The following CADM2 variants were observed in gnomAD, a reference collection of about 807,000 sequenced individuals.
The protein encoded by CADM2 is immunoglobulin superfamily member 4D.
In CADM2, 12 loss-of-function variants were observed where a neutral mutation model predicts 49.8. The ratio of observed to expected loss-of-function variants is 0.24; its 90% CI spans 0.15 to 0.39. The LOEUF is 0.39. Ranked by LOEUF, CADM2 falls within the 10% of genes least tolerant of loss-of-function variation. The probability of loss-of-function intolerance (pLI) is 1.00; values close to 1 mark genes in which losing one functional copy is unlikely to be tolerated. For synonymous variants in CADM2, 214 were observed against 175.4 expected, an observed-to-expected ratio of 1.22 and a Z score of -1.74; for missense variants, 378 against 492.3, an observed-to-expected ratio of 0.77 and a Z score of 2.20.
intron 1 of CADM2, among the ~76,000 whole-genome samples, chr3:85,437,984 CA>C (rs2037011263): frequency 6.6e-6 from 1 of 151,900 alleles, no homozygotes; most frequent in Non-Finnish European, 1.5e-5. Context: ...AAAGTATTAA[CA>C]ACTCTCACAA....
At position 86,069,348 on chromosome 3, in the gene CADM2, C is replaced by G. The variant is rs550824528; in HGVS notation, c.*2565C>G. 1 of 151,948 alleles carries G rather than the reference C, an allele frequency of 6.6e-6. No individual in the cohort carries two copies. Among genetic ancestry groups the G allele is most frequent in the South Asian group, 2.1e-4 (1 of 4,826 alleles). The allele number at this position is 151,948 out of a possible 1,614,324, so 9.4% of individuals were successfully genotyped here. ...TAGCTAAAACAACTAGATTATTATA[C>G]TAGTTATAAATGCTGGTATATTATA... On this transcript the variant is annotated 3_prime_UTR_variant, in exon 10 of 10. Coordinates refer to ENST00000383699, the MANE Select transcript of CADM2 (RefSeq NM_001167675.2).
intron 2 of CADM2, among the ~76,000 whole-genome samples, chr3:85,729,006 A>T (rs188181778): frequency 4.6e-5 from 7 of 152,276 alleles, no homozygotes; most frequent in African/African-American, 1.7e-4. Context: ...AATTTTATCA[A>T]ATAATGTAGC....
At chr3:85,708,803 GT>G (rs2067026833) in intron 1 of CADM2, among the ~76,000 whole-genome samples, 1 of 152,070 alleles carries the variant, frequency 6.6e-6, no homozygotes, top group Non-Finnish European at 1.5e-5. Flanking sequence ...CTTGATGTTT[GT>G]GGGGTAAGAG....
intron 1 of CADM2, among the ~76,000 whole-genome samples, chr3:85,013,233 C>T (rs1212576262): frequency 6.6e-6 from 1 of 151,078 alleles, no homozygotes; most frequent in Non-Finnish European, 1.5e-5. Flanking sequence ...CAAGAAAACA[C>T]AAGAAAGAGA....
intron 1 of CADM2, among the ~76,000 whole-genome samples, chr3:85,341,321 A>T (rs981778647): frequency 6.6e-6 from 1 of 151,948 alleles, no homozygotes; most frequent in African/African-American, 2.4e-5. Flanking sequence ...TGATATTGTT[A>T]AACTTGATAA....
intron 1 of CADM2, among the ~76,000 whole-genome samples, chr3:85,720,171 C>T (rs2067447220): frequency 6.6e-6 from 1 of 152,102 alleles, no homozygotes; most frequent in Admixed American, 6.5e-5. Flanking sequence ...TGTCATTTCT[C>T]ACATTCATTA....
chr3:85,394,944 A>T (rs2107411827), intron 1 of CADM2, among the ~76,000 whole-genome samples: 1 of 152,284 alleles, frequency 6.6e-6, no homozygotes, highest in South Asian at 2.1e-4. Flanking sequence ...TCTTCACAAA[A>T]CTTTTCCCAT....
intron 2 of CADM2, among the ~76,000 whole-genome samples, chr3:85,747,361 C>T (rs1400871524): frequency 1.3e-5 from 2 of 152,042 alleles, no homozygotes; most frequent in African/African-American, 4.8e-5. Context: ...AAACACAGAT[C>T]TTCATATTAT....
intron 1 of CADM2, among the ~76,000 whole-genome samples, chr3:85,539,036 G>T (rs905158781): frequency 6.6e-6 from 1 of 151,862 alleles, no homozygotes; most frequent in Admixed American, 6.6e-5. Context: ...CCCTTATACA[G>T]GGAAGCCTGA....
chr3:85,238,101 G>A (rs542550421), intron 1 of CADM2, among the ~76,000 whole-genome samples: 23 of 151,590 alleles, frequency 1.5e-4, no homozygotes, highest in Non-Finnish European at 2.7e-4. Context: ...CATCTGGCTT[G>A]GTACATCATG....
intron 1 of CADM2, among the ~76,000 whole-genome samples, chr3:85,411,496 C>T (rs1430889254): frequency 6.6e-6 from 1 of 152,132 alleles, no homozygotes; most frequent in East Asian, 1.9e-4. Context: ...TGGGATGATT[C>T]TTTACGGAGA....
intron 1 of CADM2, among the ~76,000 whole-genome samples, chr3:85,059,676 G>T (rs1352159297): frequency 2.0e-5 from 3 of 152,084 alleles, no homozygotes; most frequent in African/African-American, 7.2e-5. Context: ...AGTCGCACAA[G>T]ATCTGATGGT....
intron 8 of CADM2, among the ~76,000 whole-genome samples, chr3:86,003,086 T>G (rs1730377723): frequency 6.6e-6 from 1 of 152,206 alleles, no homozygotes; most frequent in Non-Finnish European, 1.5e-5. Flanking sequence ...ACAGAGATAG[T>G]ATCCTCCTCC....
At chr3:85,334,141 C>T (rs1275469976) in intron 1 of CADM2, among the ~76,000 whole-genome samples, 1 of 151,442 alleles carries the variant, frequency 6.6e-6, no homozygotes, top group Non-Finnish European at 1.5e-5. Context: ...GCTACTATAG[C>T]AGAAAACCTT....
At chr3:85,215,936 T>C (rs969916604) in intron 1 of CADM2, among the ~76,000 whole-genome samples, 2 of 152,112 alleles carry the variant, frequency 1.3e-5, no homozygotes, top group African/African-American at 4.8e-5. Context: ...ATGCAGACGC[T>C]GCTAGAGAAT....
At chr3:85,792,028 AGT>A (rs763865436) in intron 2 of CADM2, among the ~76,000 whole-genome samples, 8 of 152,156 alleles carry the variant, frequency 5.3e-5, no homozygotes, top group Non-Finnish European at 1.2e-4. Context: ...TGGCCAGTTG[AGT>A]GTTATGTTTA....
intron 3 of CADM2, among the ~76,000 whole-genome samples, chr3:85,816,948 A>G (rs1312475761): frequency 1.3e-5 from 2 of 151,250 alleles, no homozygotes; most frequent in African/African-American, 4.8e-5. Context: ...CATACAAAAT[A>G]ATACAATTTA....
At chr3:85,940,511 ATTGT>A (rs1721763232) in intron 7 of CADM2, among the ~76,000 whole-genome samples, 1 of 152,126 alleles carries the variant, frequency 6.6e-6, no homozygotes, top group South Asian at 2.1e-4. Context: ...AGAGTGAAAT[ATTGT>A]TTACCAAAAT....
At chr3:86,022,505 A>G (rs1733332136) in intron 8 of CADM2, among the ~76,000 whole-genome samples, 1 of 152,186 alleles carries the variant, frequency 6.6e-6, no homozygotes, top group Admixed American at 6.5e-5. Context: ...AGATAGCATT[A>G]ACATTGACAC....
Sources: allele counts gnomAD v4.1 joint callset (sites outside exome capture counted in the v4.1 genomes callset), GRCh38; gene constraint gnomAD v4.1.1; transcripts MANE v1.5; gene names NCBI Gene and HGNC (gene_info 2026-07-23, HGNC 2026-07-21).